Variants in UBTF observed in about 807,000 individuals in gnomAD.
UBTF encodes nucleolar transcription factor 1.
A neutral mutation model predicts 112.3 loss-of-function variants in UBTF; 8 were observed. That is an observed-to-expected ratio of 0.07 (90% CI 0.04 to 0.13). The LOEUF (loss-of-function observed/expected upper bound fraction) is 0.13, where lower values mean the gene tolerates loss of function less well. UBTF is among the 10% of genes least tolerant of loss of function. The pLI is 1.00. For missense variants in UBTF, 457 were observed against 982.1 expected, an observed-to-expected ratio of 0.47 and a Z score of 7.15; for synonymous variants, 417 against 373.1, an observed-to-expected ratio of 1.12 and a Z score of -1.36.
At chr17:44,209,218 G>C in intron 17 of UBTF, 134 bp downstream of exon 17, 1 of 889,606 alleles carries the variant, frequency 1.1e-6, no homozygotes, top group Non-Finnish European at 1.7e-6. Context: ...CCGTTATCCT[G>C]AAGGATTGCG....
Position 44,211,253 on chromosome 17 carries a change from T to G in UBTF, c.1089+37A>C. 1 of 1,614,140 alleles carries G rather than the reference T, an allele frequency of 6.2e-7. No individual in the cohort carries two copies. Among genetic ancestry groups the G allele is most frequent in the African/African-American group, 1.3e-5 (1 of 75,052 alleles). ...CAGGGCTCTGCCTGCCAAGTCCCAGTCTTCTCTGCCCACTGCCCCACCGGA... is the reference window on the plus strand; with the variant it reads ...CAGGGCTCTGCCTGCCAAGTCCCAGGCTTCTCTGCCCACTGCCCCACCGGA... On this transcript the variant is annotated intron_variant, in intron 11 of 20. Coordinates refer to ENST00000436088, the MANE Select transcript of UBTF (RefSeq NM_014233.4). This position sits in a 1 kb window ranked among gnomAD's most constrained non-coding sequence, Gnocchi z 4.9.
At chr17:44,220,862 C>T (rs1446185365), upstream of UBTF, 1 of 152,136 alleles carries the variant, frequency 6.6e-6, no homozygotes, top group South Asian at 1.9e-4. Context: ...CCCGAGATGG[C>T]GAAGCGGAGC....
rs1259070400 is a variant in UBTF, at chr17:44,210,424, T to C, written c.1409A>G (p.Lys470Arg). ...CCGTTCCTCGCGCTCCCCGCCGGGC[T>C]TCCTCTCCGACTGAGCCTTGAGCGC... Reference protein sequence around the residue: ...EAALKAQSERKPGGEREERGK... With the variant: ...EAALKAQSERRPGGEREERGK... The change falls in exon 14 of 21, where the codon AAG (lysine) becomes AGG (arginine). Residue 470 changes from lysine to arginine, a missense_variant. By Grantham distance (26) the Lys-to-Arg change is conservative. Coordinates refer to ENST00000436088, the MANE Select transcript of UBTF (RefSeq NM_014233.4). The C allele has an allele frequency of 3.1e-6, 5 of 1,613,862 alleles. No homozygotes were observed. Among genetic ancestry groups the C allele is most frequent in the Non-Finnish European group, 4.2e-6 (5 of 1,179,958 alleles).
At chr17:44,212,480 G>A (rs550272890) in intron 7 of UBTF, 26 bp from the exon 8 acceptor site, 25 of 694,514 alleles carry the variant, frequency 3.6e-5, no homozygotes, top group Admixed American at 2.3e-4. Context: ...CGTCAGACAC[G>A]CACAGGCAGC....
At chr17:44,208,976 G>T (rs904347454) in intron 17 of UBTF, 1 of 323,806 alleles carries the variant, frequency 3.1e-6, no homozygotes, top group South Asian at 2.2e-5. Flanking sequence ...CATGAGGTCA[G>T]GAGTTCGAGA....
intron 5 of UBTF, among the ~76,000 whole-genome samples, chr17:44,214,750 CTT>C (rs1567803684): frequency 6.6e-6 from 1 of 152,198 alleles, no homozygotes; most frequent in Non-Finnish European, 1.5e-5. Flanking sequence ...CCAGTGCCCC[CTT>C]TTGAGAACTG....
chr17:44,219,820 G>GC (rs2047081623), upstream of UBTF: 1 of 149,742 alleles, frequency 6.7e-6, no homozygotes, highest in African/African-American at 2.4e-5. Flanking sequence ...GAGGGGGGGC[G>GC]GGAGAAGCGG....
intron 6 of UBTF, 94 bp downstream of exon 6, chr17:44,213,124 C>T (rs1050857988): frequency 3.0e-5 from 46 of 1,548,982 alleles, no homozygotes; most frequent in African/African-American, 5.5e-5. Flanking sequence ...CTCTTCCATG[C>T]CTCAGAGATG....
At position 44,207,317 on chromosome 17, in the gene UBTF, A is replaced by C; in HGVS notation, c.2220T>G (p.Asp740Glu). 6.2e-7 allele frequency: 1 copy of C among 1,612,490 alleles called. No homozygotes were observed. Among genetic ancestry groups the C allele is most frequent in the Non-Finnish European group, 8.5e-7 (1 of 1,179,396 alleles). ...TGCTGCCCTCGGACTCATTATCTTCATCCTCATCGTCATCCTCGTCGTCGT... is the reference window on the plus strand; with the variant it reads ...TGCTGCCCTCGGACTCATTATCTTCCTCCTCATCGTCATCCTCGTCGTCGT... ...DEDDDEDDDEDEDNESEGSSS... is the reference protein window; with the variant it reads ...DEDDDEDDDEEEDNESEGSSS... Residue 740 changes from aspartate (D) to glutamate (E), a missense_variant, in exon 21 of 21, where the codon GAT (aspartate) becomes GAG (glutamate). This residue lies in a region of UBTF where 139 missense variants were observed against 157.5 expected (regional missense o/e 0.88). Transcript: ENST00000436088.
intron 2 of UBTF, 73 bp downstream of exon 2, chr17:44,218,099 G>A: frequency 1.5e-5 from 22 of 1,472,004 alleles, no homozygotes; most frequent in South Asian, 2.3e-5. Context: ...AGCCCTTGAA[G>A]AAGGGAGTGA....
In UBTF at chr17:44,210,484, G is replaced by A. The variant is rs771830177; in HGVS notation, c.1360-11C>T. Reference sequence around the variant, plus strand: ...GGCCTTGTACTTGGCCTGCGGGGATGGCCCGGGCGTCAGCCTTCCACCCAC... The same window carrying A: ...GGCCTTGTACTTGGCCTGCGGGGATAGCCCGGGCGTCAGCCTTCCACCCAC... On this transcript the variant is annotated splice_polypyrimidine_tract_variant and intron_variant, in intron 13 of 20. Coordinates refer to ENST00000436088, the MANE Select transcript of UBTF (RefSeq NM_014233.4). The A allele has an allele frequency of 1.9e-6, 3 of 1,589,342 alleles. No individual in the cohort carries two copies. Among genetic ancestry groups the A allele is most frequent in the Non-Finnish European group, 1.7e-6 (2 of 1,172,946 alleles).
chr17:44,213,494 C>T (rs2046683078), intron 5 of UBTF: 2 of 539,764 alleles, frequency 3.7e-6, no homozygotes, highest in Admixed American at 6.5e-5. Context: ...CAGGGGTCGC[C>T]CAGACACTGA....
At chr17:44,216,067 C>T (rs746183934) in intron 3 of UBTF, 78 bp from the exon 4 acceptor site, 32 of 1,159,158 alleles carry the variant, frequency 2.8e-5, no homozygotes, top group South Asian at 8.8e-5. Flanking sequence ...CATCTTATAA[C>T]GGGTCTCTTC....
intron 1 of UBTF, chr17:44,218,605 A>AAAAAAAAAAAAAAG (rs2046977134): frequency 4.8e-6 from 1 of 206,682 alleles, no homozygotes; most frequent in Non-Finnish European, 9.4e-6. Flanking sequence ...AAAAAAAAAA[A>AAAAAAAAAAAAAAG]AAAAGAAAAA....
At chr17:44,219,839 G>A (rs1379253217), upstream of UBTF, 1 of 150,716 alleles carries the variant, frequency 6.6e-6, no homozygotes. Context: ...GGGGCAGCGA[G>A]CGCGTCCTTC....
rs1598235817 is a variant in UBTF, at chr17:44,211,174, G to A, written c.1090-22C>T. 6 of 1,612,814 alleles carry A rather than the reference G, an allele frequency of 3.7e-6. No individual in the cohort carries two copies. The East Asian group carries it at 6.7e-5, about 18-fold the overall frequency. ...GGCTCTGGACAGGAAAGAGGAGCAC[G>A]GGGCTGCATGCCTGGCACCCAGACT... is the stretch of plus-strand genomic sequence containing the variant. On this transcript the variant is annotated intron_variant, in intron 11 of 20. Coordinates refer to ENST00000436088, the MANE Select transcript of UBTF (RefSeq NM_014233.4). The surrounding 1 kb of genome is among the most constrained non-coding windows in gnomAD (Gnocchi z 4.9).
At chr17:44,208,488 T>C in intron 17 of UBTF, 1 of 149,800 alleles carries the variant, frequency 6.7e-6, no homozygotes, top group Non-Finnish European at 1.5e-5. Flanking sequence ...CCCTGTTGCT[T>C]TTCGCAAATG....
chr17:44,212,810 G>C lies in UBTF; in HGVS notation c.660+9C>G. ...ATCCTCCACCCCCAACCCTTGGCCG[G>C]ACACTCACATCTGGCCGCACTTTGA... is the stretch of plus-strand genomic sequence containing the variant. On this transcript the variant is annotated intron_variant, in intron 7 of 20. Coordinates refer to ENST00000436088, the MANE Select transcript of UBTF (RefSeq NM_014233.4). The C allele has an allele frequency of 6.2e-7, 1 of 1,613,862 alleles. No individual in the cohort carries two copies. The highest frequency in any genetic ancestry group is 1.1e-5 in the South Asian group (1 of 91,054).
At chr17:44,210,549 C>T in intron 13 of UBTF, 76 bp from the exon 14 acceptor site, 1 of 1,462,238 alleles carries the variant, frequency 6.8e-7, no homozygotes, top group Non-Finnish European at 8.9e-7. Context: ...AGCCCAGGCG[C>T]TCCCGCCGGC....
Sources: gnomAD v4.1 joint callset for allele counts (sites outside exome capture counted in the v4.1 genomes callset) on GRCh38, gnomAD v4.1.1 for gene constraint, gnomAD v4.1.1 regional missense constraint, Gnocchi (gnomAD v3.1) non-coding constraint, MANE v1.5 for transcripts, NCBI Gene and HGNC (gene_info 2026-07-23, HGNC 2026-07-21) for gene names.